Variants in TRIP10 observed in about 807,000 individuals in gnomAD.
The protein encoded by TRIP10 is cdc42-interacting protein 4.
TRIP10 carries 54 observed loss-of-function variants against 80.9 expected under a neutral mutation model. The ratio of observed to expected loss-of-function variants is 0.67; its 90% CI spans 0.54 to 0.84. The LOEUF (loss-of-function observed/expected upper bound fraction) is 0.84. TRIP10 is among the 40% of genes least tolerant of loss of function. TRIP10 has a pLI of 0.00. For missense variants in TRIP10, 773 were observed against 815.3 expected (o/e 0.95, Z 0.63); for synonymous variants, 321 against 307.2 (o/e 1.04, Z -0.47).
intron 5 of TRIP10, 79 bp downstream of exon 5, chr19:6,743,335 C>T: frequency 1.9e-6 from 3 of 1,580,216 alleles, no homozygotes; most frequent in South Asian, 2.3e-5. Flanking sequence ...GGGAGCTGCC[C>T]TCTTTGTCAG....
chr19:6,742,662 G>A (rs936149518), intron 3 of TRIP10, among the ~76,000 whole-genome samples: 3 of 151,714 alleles, frequency 2.0e-5, no homozygotes, highest in Non-Finnish European at 2.9e-5. Context: ...TGTGCCTGTG[G>A]TCCCAGCTAT....
chr19:6,743,846 C>T lies in TRIP10; in HGVS notation c.642+10C>T. The T allele has an allele frequency of 6.2e-7, 1 of 1,613,454 alleles. No individual in the cohort carries two copies. The highest frequency in any genetic ancestry group is 8.5e-7 in the Non-Finnish European group (1 of 1,179,780). Reference sequence around the variant, plus strand: ...GCCCCAGATATTCGATGTGAGTGCTCCCAGTTCTCAGACCTACCTTCCCGA... The same window carrying T: ...GCCCCAGATATTCGATGTGAGTGCTTCCAGTTCTCAGACCTACCTTCCCGA... On this transcript the variant is annotated intron_variant, in intron 7 of 14. Coordinates refer to ENST00000313244, the MANE Select transcript of TRIP10 (RefSeq NM_001288962.2).
chr19:6,740,198 G>T (rs1197153078), intron 1 of TRIP10, among the ~76,000 whole-genome samples: 3 of 152,198 alleles, frequency 2.0e-5, no homozygotes, highest in Non-Finnish European at 2.9e-5. Flanking sequence ...CACCCACGTG[G>T]GACCTAGAAG....
chr19:6,743,589 T>A lies in TRIP10; in HGVS notation c.504T>A (p.Asp168Glu), dbSNP rs752994529. The change falls in exon 6 of 15, where the codon GAT becomes GAA. Residue 168 changes from aspartate to glutamate, a missense_variant. Physicochemically the swap from Asp to Glu is conservative, Grantham distance 45. Coordinates refer to ENST00000313244, the MANE Select transcript of TRIP10 (RefSeq NM_001288962.2). ...LDQDINATKA[D>E]VEKAKQQAHL... ...AGGATATCAACGCCACCAAGGCTGATGTGGAGAAGGTGTGTGTGGCGGGGG... is the reference window on the plus strand; with the variant it reads ...AGGATATCAACGCCACCAAGGCTGAAGTGGAGAAGGTGTGTGTGGCGGGGG... 1 of 1,387,770 alleles carries A rather than the reference T, an allele frequency of 7.2e-7. No homozygotes were observed. Among genetic ancestry groups the A allele is most frequent in the Non-Finnish European group, 9.6e-7 (1 of 1,036,990 alleles). 86.0% of individuals were successfully genotyped at this position (1,387,770 alleles called of 1,614,324 possible).
intron 1 of TRIP10, 80 bp downstream of exon 1, chr19:6,739,865 G>T: frequency 7.4e-7 from 1 of 1,346,732 alleles, no homozygotes. Flanking sequence ...GTATCTTAGA[G>T]GGGGCTCCGC....
chr19:6,739,811 G>A (rs1968854437), intron 1 of TRIP10, 26 bp downstream of exon 1: 14 of 1,452,934 alleles, frequency 9.6e-6, no homozygotes, highest in Non-Finnish European at 1.3e-5. Flanking sequence ...CCGCCTCTAA[G>A]TTCCCCTTTG....
chr19:6,746,064 C>T lies in TRIP10; in HGVS notation c.1020C>T (p.Pro340=), dbSNP rs1032828735. Residue 340 remains proline, a synonymous_variant, in exon 10 of 15, where the codon CCC becomes CCT. Transcript: ENST00000313244. This position sits in a 1 kb window ranked among gnomAD's most constrained non-coding sequence, Gnocchi z 6.2. ...CACCCCTCTCCCCCCTGGGGGGCCC[C>T]GTACCCTCGGCATTGCCTAACGGAC... ...RPPPLSPLGG[P]VPSALPNGPP... 38 of 1,495,682 alleles carry T rather than the reference C, an allele frequency of 2.5e-5. No homozygotes were observed. The highest frequency in any genetic ancestry group is 2.0e-4 in the African/African-American group (14 of 70,310). 92.7% of individuals were successfully genotyped at this position (1,495,682 alleles called of 1,614,324 possible). A position where few individuals can be genotyped will look rare whatever the true frequency, so the allele number is the denominator to read the frequency against.
In TRIP10 at chr19:6,750,556, A is replaced by T; in HGVS notation, c.1580A>T (p.Tyr527Phe). The T allele has an allele frequency of 6.2e-7, 1 of 1,614,186 alleles. No homozygotes were observed. Among genetic ancestry groups the T allele is most frequent in the African/African-American group, 1.3e-5 (1 of 75,044 alleles). ...PSEESQDTPIYTEFDEDFEEE... is the reference protein window; with the variant it reads ...PSEESQDTPIFTEFDEDFEEE... ...GAAGAGAGCCAGGACACCCCCATTT[A>T]CACGGAGTTTGATGAGGATTTCGAG... Residue 527 changes from tyrosine to phenylalanine, a missense_variant, in exon 14 of 15, where the codon TAC becomes TTC. By Grantham distance (22) the Tyr-to-Phe change is conservative (BLOSUM62 3). Coordinates refer to ENST00000313244, the MANE Select transcript of TRIP10 (RefSeq NM_001288962.2).
chr19:6,750,727 G>A lies in TRIP10; in HGVS notation c.1657+94G>A, dbSNP rs1401333131. The A allele has an allele frequency of 5.9e-6, 9 of 1,535,234 alleles. No individual in the cohort carries two copies. The South Asian group carries it at 1.1e-4, about 19-fold the overall frequency. On this transcript the variant is annotated intron_variant, in intron 14 of 14. Transcript: ENST00000313244. Reference sequence around the variant, plus strand: ...TCGCCTAAAGCAGGGCTGGGCGGGTGGCTCAGGCTTGTAATCCCAGCACTT... The same window carrying A: ...TCGCCTAAAGCAGGGCTGGGCGGGTAGCTCAGGCTTGTAATCCCAGCACTT...
Position 6,743,768 on chromosome 19 carries a change from G to A in TRIP10, c.574G>A (p.Ala192Thr), listed in dbSNP as rs1462123024. The A allele has an allele frequency of 6.2e-7, 1 of 1,613,858 alleles. No homozygotes were observed. The change falls in exon 7 of 15, where the codon GCT becomes ACT. Residue 192 changes from alanine to threonine, a missense_variant. Ala to Thr is a moderately conservative substitution (Grantham distance 58, BLOSUM62 0). Coordinates refer to ENST00000313244, the MANE Select transcript of TRIP10 (RefSeq NM_001288962.2). ...CGAAGAAAGCAAAAACGAATATGCG[G>A]CTCAACTGCAGCGCTTCAACCGAGA... The part of the protein sequence containing the change: ...MAEESKNEYA[A>T]QLQRFNRDQA...
Position 6,740,992 on chromosome 19 carries a change from C to G in TRIP10, c.25-18C>G, listed in dbSNP as rs770619166. On this transcript the variant is annotated intron_variant, in intron 1 of 14. Coordinates refer to ENST00000313244, the MANE Select transcript of TRIP10 (RefSeq NM_001288962.2). ...CCCCGGCCCCTCTCCCCTCCTCCCCCACCATGTCCCATGTCAGGATCAGTT... is the reference window on the plus strand; with the variant it reads ...CCCCGGCCCCTCTCCCCTCCTCCCCGACCATGTCCCATGTCAGGATCAGTT... 1.9e-6 allele frequency: 3 copies of G among 1,607,106 alleles called. No homozygotes were observed. Among genetic ancestry groups the G allele is most frequent in the East Asian group, 2.2e-5 (1 of 44,732 alleles).
Position 6,745,057 on chromosome 19 carries a change from C to T in TRIP10, c.984+63C>T, listed in dbSNP as rs1023980127. On this transcript the variant is annotated intron_variant, in intron 9 of 14. Transcript: ENST00000313244. This position sits in a 1 kb window ranked among gnomAD's most constrained non-coding sequence, Gnocchi z 7.2. ...ACAGTGAAGTGGGGACAGTGGGGCC[C>T]CTATTGAGTCAGCCCCAGCCGCCTG... 4 of 1,541,144 alleles carry T rather than the reference C, an allele frequency of 2.6e-6. No homozygotes were observed. The African/African-American group carries it at 4.1e-5, about 16-fold the overall frequency.
chr19:6,740,324 C>A (rs1217661078), intron 1 of TRIP10, among the ~76,000 whole-genome samples: 1 of 152,176 alleles, frequency 6.6e-6, no homozygotes, highest in Non-Finnish European at 1.5e-5. Flanking sequence ...CCCCTGCTCA[C>A]CCCAGGCCCA....
rs536791112 is a variant in TRIP10 at position 6,744,901 on chromosome 19, C to T, written c.891C>T (p.Asp297=). ...FSQPMNRAPS[D]SSLGTPSDGR... ...AGCCCATGAACCGTGCACCCTCCGACAGCAGTCTGGGCACCCCCTCGGATG... is the reference window on the plus strand; with the variant it reads ...AGCCCATGAACCGTGCACCCTCCGATAGCAGTCTGGGCACCCCCTCGGATG... Residue 297 remains aspartate, a synonymous_variant, in exon 9 of 15, where the codon GAC becomes GAT. Coordinates refer to ENST00000313244, the MANE Select transcript of TRIP10 (RefSeq NM_001288962.2). This position sits in a 1 kb window ranked among gnomAD's most constrained non-coding sequence, Gnocchi z 4.9. 6.2e-7 allele frequency: 1 copy of T among 1,614,230 alleles called. No homozygotes were observed. The highest frequency in any genetic ancestry group is 1.7e-5 in the Admixed American group (1 of 60,030).
rs1599564265 is a variant in TRIP10 at position 6,745,976 on chromosome 19, C to T, written c.985-53C>T. On this transcript the variant is annotated intron_variant, in intron 9 of 14. Coordinates refer to ENST00000313244, the MANE Select transcript of TRIP10 (RefSeq NM_001288962.2). The surrounding 1 kb of genome is among the most constrained non-coding windows in gnomAD (Gnocchi z 7.2). ...CATTCGTCCTCACTCTCTACATCCT[C>T]CTATGCCCCCCCACCCCTTCAACCT... is the stretch of plus-strand genomic sequence containing the variant. 2 of 1,116,610 alleles carry T rather than the reference C, an allele frequency of 1.8e-6. No individual in the cohort carries two copies. 69.2% of individuals were successfully genotyped at this position (1,116,610 alleles called of 1,614,324 possible). A position where few individuals can be genotyped will look rare whatever the true frequency, so the allele number is the denominator to read the frequency against.
rs1451064439 is a variant in TRIP10, at chr19:6,743,857, GACCT to G, written c.642+26_642+29del. 1.9e-6 allele frequency: 3 copies of G among 1,612,046 alleles called. No homozygotes were observed. The Admixed American group carries it at 5.0e-5, about 27-fold the overall frequency. ...TCGATGTGAGTGCTCCCAGTTCTCA[GACCT>G]ACCTTCCCGAAAGCCTCCAAATGTT... On this transcript the variant is annotated intron_variant, in intron 7 of 14. Coordinates refer to ENST00000313244, the MANE Select transcript of TRIP10 (RefSeq NM_001288962.2).
chr19:6,741,607 AATG>A (rs1347202148), intron 3 of TRIP10, among the ~76,000 whole-genome samples: 1 of 152,112 alleles, frequency 6.6e-6, no homozygotes, highest in African/African-American at 2.4e-5. Context: ...TGTGAAATGG[AATG>A]ATGACGATTC....
Position 6,744,653 on chromosome 19 carries a change from T to G in TRIP10, c.742T>G (p.Cys248Gly). 6.2e-7 allele frequency: 1 copy of G among 1,612,628 alleles called. No individual in the cohort carries two copies. Among genetic ancestry groups the G allele is most frequent in the Non-Finnish European group, 8.5e-7 (1 of 1,179,330 alleles). Residue 248 changes from cysteine to glycine, a missense_variant, in exon 8 of 15, where the codon TGC (cysteine) becomes GGC (glycine). Transcript: ENST00000313244. This position sits in a 1 kb window ranked among gnomAD's most constrained non-coding sequence, Gnocchi z 4.9. ...GGAGGTGGTGCCCATAATAGCCAAG[T>G]GCTTGGAGGGCATGAAGGTGGCTGC... ...ELEVVPIIAK[C>G]LEGMKVAANA...
Position 6,745,510 on chromosome 19 carries a change from C to G in TRIP10, c.984+516C>G. ...CCCCGAGCTTAAACTTCTGATGCCCCTAACCCCTCTCATTTTCCTGCCTTC... is the reference window on the plus strand; with the variant it reads ...CCCCGAGCTTAAACTTCTGATGCCCGTAACCCCTCTCATTTTCCTGCCTTC... On this transcript the variant is annotated intron_variant, in intron 9 of 14. Coordinates refer to ENST00000313244, the MANE Select transcript of TRIP10 (RefSeq NM_001288962.2). This position sits in a 1 kb window ranked among gnomAD's most constrained non-coding sequence, Gnocchi z 7.2. The G allele has an allele frequency of 1.0e-6, 1 of 953,594 alleles. No homozygotes were observed. Among genetic ancestry groups the G allele is most frequent in the African/African-American group, 1.8e-5 (1 of 56,586 alleles). The allele number at this position is 953,594 out of a possible 1,614,324, so 59.1% of individuals were successfully genotyped here.
Sources: gnomAD v4.1 joint callset for allele counts (sites outside exome capture counted in the v4.1 genomes callset) on GRCh38, gnomAD v4.1.1 for gene constraint, Gnocchi (gnomAD v3.1) non-coding constraint, MANE v1.5 for transcripts, NCBI Gene and HGNC (gene_info 2026-07-23, HGNC 2026-07-21) for gene names.